The following FGF14 variants were observed in gnomAD, a reference collection of about 807,000 sequenced individuals.
FGF14 encodes fibroblast growth factor 14.
FGF14 carries 5 observed loss-of-function variants against 25.5 expected under a neutral mutation model. The observed-to-expected ratio is 0.20, with a 90% CI of 0.10 to 0.41. FGF14 has a LOEUF of 0.41. Among genes scored for constraint, FGF14 ranks in the 10% least tolerant of loss-of-function variants. FGF14 has a pLI of 1.00. For missense variants in FGF14, 222 were observed against 320.1 expected (o/e 0.69, Z 2.34); for synonymous variants, 138 against 118.3 (o/e 1.17, Z -1.08).
chr13:102,200,393 C>T (rs938225723), intron 1 of FGF14, among the ~76,000 whole-genome samples: 4 of 151,992 alleles, frequency 2.6e-5, no homozygotes, highest in Non-Finnish European at 5.9e-5. Context: ...ATTTTTTATT[C>T]CTAAAGGACA....
intron 1 of FGF14, among the ~76,000 whole-genome samples, chr13:102,086,075 A>G (rs2043882091): frequency 6.6e-6 from 1 of 152,264 alleles, no homozygotes; most frequent in African/African-American, 2.4e-5. Context: ...GTAGGGATTA[A>G]TTAACAGAAG....
intron 1 of FGF14, among the ~76,000 whole-genome samples, chr13:101,880,893 A>AT (rs1205157188): frequency 6.6e-6 from 1 of 152,180 alleles, no homozygotes; most frequent in Non-Finnish European, 1.5e-5. Context: ...GGCAAAATGA[A>AT]TTTTTTATAT....
At chr13:102,215,084 T>C (rs2050314984) in intron 1 of FGF14, among the ~76,000 whole-genome samples, 1 of 152,206 alleles carries the variant, frequency 6.6e-6, no homozygotes, top group East Asian at 1.9e-4. Context: ...TTCACTCTTC[T>C]AGGAAAATTA....
intron 1 of FGF14, among the ~76,000 whole-genome samples, chr13:101,876,866 G>T (rs971414700): frequency 6.6e-6 from 1 of 152,028 alleles, no homozygotes; most frequent in African/African-American, 2.4e-5. Flanking sequence ...AAGTACTAAA[G>T]ACTTCTTCCT....
At chr13:102,055,006 T>C (rs2042369621) in intron 1 of FGF14, among the ~76,000 whole-genome samples, 1 of 152,200 alleles carries the variant, frequency 6.6e-6, no homozygotes, top group Non-Finnish European at 1.5e-5. Flanking sequence ...CACATTCCAG[T>C]CCTTTATCCA....
chr13:102,059,843 T>A (rs1162072013), intron 1 of FGF14, among the ~76,000 whole-genome samples: 3 of 141,478 alleles, frequency 2.1e-5, no homozygotes, highest in African/African-American at 5.5e-5. Context: ...AGAGCGAGAC[T>A]CCATCTCAAA....
intron 1 of FGF14, among the ~76,000 whole-genome samples, chr13:102,091,961 T>C (rs1016954668): frequency 1.3e-5 from 2 of 152,208 alleles, no homozygotes; most frequent in Non-Finnish European, 2.9e-5. Context: ...GAGATGAACA[T>C]TTTATTGGAC....
intron 1 of FGF14, among the ~76,000 whole-genome samples, chr13:102,065,222 G>A (rs992891819): frequency 1.3e-5 from 2 of 152,014 alleles, no homozygotes; most frequent in Non-Finnish European, 1.5e-5. Flanking sequence ...TGGATATAGT[G>A]CTTTCTTCCA....
intron 1 of FGF14, among the ~76,000 whole-genome samples, chr13:102,389,555 TAACA>T (rs374167004): frequency 4.6e-5 from 7 of 152,324 alleles, no homozygotes; most frequent in African/African-American, 1.4e-4. Flanking sequence ...AATATTTGCA[TAACA>T]AACCACCTTG....
intron 1 of FGF14, among the ~76,000 whole-genome samples, chr13:101,948,476 T>A (rs1052230769): frequency 3.2e-4 from 47 of 146,180 alleles, no homozygotes; most frequent in South Asian, 8.5e-4. Flanking sequence ...AAAAAATATA[T>A]ATATATATAT....
chr13:102,132,499 TTTTC>T lies in FGF14; in HGVS notation c.209-257207_209-257204del, dbSNP rs202191459. ...CTGTCTCGTCTCTTAAAAGGCATAC[TTTTC>T]TTTCTTTCTTTCTTTTTTTTTTTTT... On this transcript the variant is annotated intron_variant, in intron 1 of 4. Transcript: ENST00000376131. 3.1e-3 allele frequency among the ~76,000 whole-genome samples: 460 copies of T among 146,660 alleles called. 1 individual carries two copies. The highest frequency in any genetic ancestry group is 6.7e-3 in the African/African-American group (269 of 39,942).
intron 1 of FGF14, among the ~76,000 whole-genome samples, chr13:102,284,894 C>T (rs1359240394): frequency 6.6e-6 from 1 of 152,020 alleles, no homozygotes; most frequent in East Asian, 1.9e-4. Context: ...CTCACCCTGT[C>T]ATTCTTCCTT....
chr13:101,732,774 G>A (rs1422775966), intron 3 of FGF14, among the ~76,000 whole-genome samples: 1 of 152,192 alleles, frequency 6.6e-6, no homozygotes, highest in Non-Finnish European at 1.5e-5. Flanking sequence ...TTGTTATCAT[G>A]AAGAAGGCTG....
intron 1 of FGF14, among the ~76,000 whole-genome samples, chr13:102,284,967 A>C (rs1798928843): frequency 6.6e-6 from 1 of 150,512 alleles, no homozygotes; most frequent in African/African-American, 2.5e-5. Context: ...CTTTCTCACC[A>C]CTTTGAGCTG....
chr13:102,314,406 C>T (rs1212909411), intron 1 of FGF14, among the ~76,000 whole-genome samples: 3 of 152,266 alleles, frequency 2.0e-5, no homozygotes, highest in South Asian at 2.1e-4. Context: ...TCGCGCTATA[C>T]ATATTTCCTG....
chr13:101,959,053 T>G (rs1244580987), intron 1 of FGF14, among the ~76,000 whole-genome samples: 2 of 152,170 alleles, frequency 1.3e-5, no homozygotes, highest in African/African-American at 4.8e-5. Flanking sequence ...TTCAATCTTC[T>G]AATGCAGCAG....
At chr13:101,751,180 C>A (rs1391334234) in intron 3 of FGF14, among the ~76,000 whole-genome samples, 1 of 151,966 alleles carries the variant, frequency 6.6e-6, no homozygotes, top group African/African-American at 2.4e-5. Context: ...AGAGTTAACT[C>A]TAATGTAAAC....
At chr13:102,231,838 T>A (rs1360543174) in intron 1 of FGF14, among the ~76,000 whole-genome samples, 4 of 152,168 alleles carry the variant, frequency 2.6e-5, no homozygotes, top group African/African-American at 9.7e-5. Flanking sequence ...TGCAAGATAG[T>A]CAGTATGGCA....
At chr13:101,810,920 C>T (rs1224708284) in intron 3 of FGF14, among the ~76,000 whole-genome samples, 2 of 152,042 alleles carry the variant, frequency 1.3e-5, no homozygotes, top group African/African-American at 4.8e-5. Flanking sequence ...ACTGGTTTCA[C>T]TTATTTAAAA....
Sources: gnomAD v4.1 joint callset for allele counts (sites outside exome capture counted in the v4.1 genomes callset) on GRCh38, gnomAD v4.1.1 for gene constraint, MANE v1.5 for transcripts, NCBI Gene and HGNC (gene_info 2026-07-23, HGNC 2026-07-21) for gene names.